The following NXPE4 variants were observed in gnomAD, a reference collection of about 807,000 sequenced individuals.
NXPE4 encodes the protein neurexophilin and PC-esterase domain family member 4, also known as NXPE family member 4.
In NXPE4, 42 loss-of-function variants were observed where a neutral mutation model predicts 33.3. The ratio of observed to expected loss-of-function variants is 1.26; its 90% confidence interval spans 0.98 to 1.63. NXPE4 has a LOEUF of 1.63. Among genes scored for constraint, NXPE4 ranks in the 40% most tolerant of loss-of-function variants. The pLI is 0.00. For missense variants in NXPE4, 709 were observed against 647.6 expected, an observed-to-expected ratio of 1.09 and a Z score of -1.03; for synonymous variants, 253 against 234.9, an observed-to-expected ratio of 1.08 and a Z score of -0.71.
chr11:114,599,064 C>CT (rs1038299727), upstream of NXPE4, among the ~76,000 whole-genome samples: 21 of 152,080 alleles, frequency 1.4e-4, no homozygotes, highest in Middle Eastern at 3.4e-3. Context: ...AGTTTTACAT[C>CT]TTTTTTTTGC....
chr11:114,673,488 A>G, the NXPE4 span, among the ~76,000 whole-genome samples: 12 of 151,796 alleles, frequency 7.9e-5, no homozygotes, highest in Non-Finnish European at 2.9e-5. Context: ...AGAGCAGAAA[A>G]ATAGAGAATA....
At chr11:114,630,868 T>C in the NXPE4 span, among the ~76,000 whole-genome samples, 1 of 151,718 alleles carries the variant, frequency 6.6e-6, no homozygotes, top group African/African-American at 2.4e-5. Context: ...GCAAAGGACA[T>C]GAACAGACAC....
At chr11:114,669,446 C>G in the NXPE4 span, among the ~76,000 whole-genome samples, 1 of 152,042 alleles carries the variant, frequency 6.6e-6, no homozygotes, top group Non-Finnish European at 1.5e-5. Flanking sequence ...GGTAAGATAT[C>G]CCTTTTCATT....
At chr11:114,607,054 C>T in the NXPE4 span, among the ~76,000 whole-genome samples, 5 of 151,982 alleles carry the variant, frequency 3.3e-5, no homozygotes, top group East Asian at 3.9e-4. Context: ...AGTATTGCCT[C>T]GTGGGTAACC....
At chr11:114,591,231 A>T (rs1565338511) in intron 2 of NXPE4, among the ~76,000 whole-genome samples, 1 of 152,244 alleles carries the variant, frequency 6.6e-6, no homozygotes, top group East Asian at 1.9e-4. Flanking sequence ...TTACAAGAGC[A>T]CTTGAATTAA....
At chr11:114,579,863 A>G (rs1028883831) in intron 5 of NXPE4, among the ~76,000 whole-genome samples, 2 of 152,148 alleles carry the variant, frequency 1.3e-5, no homozygotes, top group South Asian at 4.1e-4. Flanking sequence ...GGTTCCATCA[A>G]TAGTTTTTGG....
rs780177321 is a variant in NXPE4 at position 114,582,713 on chromosome 11, C to T, written c.405G>A (p.Gly135=). 2 of 1,614,026 alleles carry T rather than the reference C, an allele frequency of 1.2e-6. No homozygotes were observed. Among genetic ancestry groups the T allele is most frequent in the African/African-American group, 1.3e-5 (1 of 74,912 alleles). The change falls in exon 3 of 6, where the codon GGG becomes GGA. Residue 135 remains glycine (G), a synonymous_variant. Transcript: ENST00000375478. ...AAGACATCCTGGCCCTCAGGAAATC[C>T]CCGCCATATTGCTTCCTGCGTCCCA... ...DHLGRRKQYG[G]DFLRARMSSP... is the part of the protein sequence containing the mutation.
the NXPE4 span, among the ~76,000 whole-genome samples, chr11:114,612,349 G>A: frequency 4.0e-5 from 6 of 151,868 alleles, no homozygotes; most frequent in Non-Finnish European, 7.4e-5. Context: ...GTACTGCCTC[G>A]TGGGTAACCA....
chr11:114,620,243 T>C, the NXPE4 span, among the ~76,000 whole-genome samples: 1 of 151,972 alleles, frequency 6.6e-6, no homozygotes, highest in African/African-American at 2.4e-5. Context: ...CGTTGGATAA[T>C]AATTATTGCC....
chr11:114,637,322 C>A, the NXPE4 span, among the ~76,000 whole-genome samples: 1 of 151,682 alleles, frequency 6.6e-6, no homozygotes, highest in African/African-American at 2.4e-5. Flanking sequence ...CTTGGTAGAT[C>A]TTCCTCCATC....
chr11:114,659,803 G>T, the NXPE4 span, among the ~76,000 whole-genome samples: 1 of 151,556 alleles, frequency 6.6e-6, no homozygotes, highest in South Asian at 2.1e-4. Flanking sequence ...AGTAAGCAGA[G>T]GAAAACAATA....
chr11:114,607,858 C>T, the NXPE4 span, among the ~76,000 whole-genome samples: 1 of 151,842 alleles, frequency 6.6e-6, no homozygotes, highest in Non-Finnish European at 1.5e-5. Context: ...TTGCAGGTAA[C>T]CACTGTTACC....
intron 2 of NXPE4, among the ~76,000 whole-genome samples, chr11:114,585,446 T>C (rs965819570): frequency 6.6e-6 from 1 of 151,964 alleles, no homozygotes; most frequent in Non-Finnish European, 1.5e-5. Context: ...AGATATTCCA[T>C]GCAAATGGAA....
chr11:114,571,741 A>G (rs975834567), intron 5 of NXPE4, among the ~76,000 whole-genome samples: 6 of 152,198 alleles, frequency 3.9e-5, no homozygotes, highest in African/African-American at 1.4e-4. Flanking sequence ...GACTCACATC[A>G]TGAACTTCTG....
chr11:114,589,988 C>A (rs187803848), intron 2 of NXPE4, among the ~76,000 whole-genome samples: 1 of 152,182 alleles, frequency 6.6e-6, no homozygotes, highest in Non-Finnish European at 1.5e-5. Flanking sequence ...TTAAAGGATG[C>A]CTTTTTCTGC....
chr11:114,584,012 T>A (rs550976964), intron 2 of NXPE4: 10 of 352,732 alleles, frequency 2.8e-5, no homozygotes, highest in South Asian at 2.7e-4. Context: ...GATGTTCCTG[T>A]CTAGTGTGGT....
At chr11:114,627,649 G>A in the NXPE4 span, among the ~76,000 whole-genome samples, 1 of 151,546 alleles carries the variant, frequency 6.6e-6, no homozygotes, top group African/African-American at 2.4e-5. Flanking sequence ...ATAATGACAG[G>A]ATCAAATTCA....
intron 2 of NXPE4, among the ~76,000 whole-genome samples, chr11:114,589,373 G>A (rs1026812298): frequency 1.3e-5 from 2 of 152,130 alleles, no homozygotes; most frequent in Non-Finnish European, 2.9e-5. Context: ...GGACACCAGA[G>A]CCAGCCTCTT....
intron 5 of NXPE4, among the ~76,000 whole-genome samples, chr11:114,577,291 A>G (rs1949032547): frequency 6.6e-6 from 1 of 151,574 alleles, no homozygotes; most frequent in African/African-American, 2.4e-5. Flanking sequence ...AAGTGAAGTA[A>G]CTCAGGAATG....
Sources: allele counts gnomAD v4.1 joint callset (sites outside exome capture counted in the v4.1 genomes callset), GRCh38; gene constraint gnomAD v4.1.1; transcripts MANE v1.5; gene names NCBI Gene and HGNC (gene_info 2026-07-23, HGNC 2026-07-21).